MMP17: variants seen among roughly 807,000 people sequenced by gnomAD.
MMP17 encodes the protein matrix metallopeptidase 17, also known as matrix metalloproteinase-17.
A neutral mutation model predicts 49.1 loss-of-function variants in MMP17; 54 were observed. That is an observed-to-expected ratio of 1.10 (90% CI 0.88 to 1.38). The LOEUF (loss-of-function observed/expected upper bound fraction) is 1.38, where lower values mean the gene tolerates loss of function less well. MMP17 is among the 40% of genes most tolerant of loss of function. The pLI, the probability that MMP17 is intolerant of heterozygous loss-of-function variation, is 0.00. For missense variants in MMP17, 837 were observed against 853.7 expected (o/e 0.98, Z 0.24); for synonymous variants, 397 against 383.1 (o/e 1.04, Z -0.42).
At chr12:131,842,419 G>T (rs143604309) in intron 5 of MMP17, among the ~76,000 whole-genome samples, 3 of 152,282 alleles carry the variant, frequency 2.0e-5, no homozygotes, top group Admixed American at 6.5e-5. Context: ...CGTCCTTGCC[G>T]CTTCACATGC....
At chr12:131,837,120 G>A (rs1222120244) in intron 1 of MMP17, among the ~76,000 whole-genome samples, 1 of 152,220 alleles carries the variant, frequency 6.6e-6, no homozygotes, top group Non-Finnish European at 1.5e-5. Context: ...TCAGAGCAGA[G>A]CTGTCCCCTG....
chr12:131,847,693 G>A (rs988736538), intron 8 of MMP17, among the ~76,000 whole-genome samples: 3 of 152,266 alleles, frequency 2.0e-5, no homozygotes, highest in African/African-American at 4.8e-5. Flanking sequence ...GAATGCCACC[G>A]AGGGCAGGTG....
rs199918543 is a variant in MMP17 at position 131,840,526 on chromosome 12, C to T, written c.423-47C>T. ...GTTCAGGGAACCTCGGCCTGGGGCA[C>T]GTGGCCTGTTCTCCGTGACTCACTC... On this transcript the variant is annotated intron_variant, in intron 3 of 9. Transcript: ENST00000360564. The T allele has an allele frequency of 4.1e-5, 62 of 1,528,344 alleles. No homozygotes were observed. In the East Asian group the frequency reaches 6.6e-4, roughly 16 times the overall value. 94.7% of individuals were successfully genotyped at this position (1,528,344 alleles called of 1,614,324 possible). A position where few individuals can be genotyped will look rare whatever the true frequency, so the allele number is the denominator to read the frequency against.
intron 1 of MMP17, among the ~76,000 whole-genome samples, chr12:131,835,512 G>A (rs920524971): frequency 1.3e-5 from 2 of 152,222 alleles, no homozygotes; most frequent in African/African-American, 4.8e-5. Context: ...AGAGTGGGGG[G>A]TGCCCCAAAC....
chr12:131,839,504 G>C (rs943919344), intron 3 of MMP17, among the ~76,000 whole-genome samples: 1 of 151,632 alleles, frequency 6.6e-6, no homozygotes, highest in Non-Finnish European at 1.5e-5. Flanking sequence ...TTGACACAGA[G>C]TCTCTTTCAC....
Position 131,838,192 on chromosome 12 carries a change from C to G in MMP17, c.160-3C>G. 6.2e-7 allele frequency: 1 copy of G among 1,611,828 alleles called. No homozygotes were observed. On this transcript the variant is annotated splice_polypyrimidine_tract_variant and splice_region_variant and intron_variant, in intron 1 of 9. Coordinates refer to ENST00000360564, the MANE Select transcript of MMP17 (RefSeq NM_016155.7). ...ACCCCCTCACCCTGCTCTCTGCCCT[C>G]AGGAGTGGCTAAGCAGGTTCGGTTA...
chr12:131,836,093 C>G (rs1442677692), intron 1 of MMP17, among the ~76,000 whole-genome samples: 1 of 152,204 alleles, frequency 6.6e-6, no homozygotes, highest in African/African-American at 2.4e-5. Flanking sequence ...TCCTGTCGTG[C>G]CTATAGCTTT....
intron 1 of MMP17, among the ~76,000 whole-genome samples, chr12:131,835,044 G>A (rs1455248933): frequency 1.3e-5 from 2 of 152,160 alleles, no homozygotes; most frequent in Non-Finnish European, 2.9e-5. Flanking sequence ...AACCTGCAAG[G>A]CTTGTTCTGT....
chr12:131,831,305 G>A (rs1014093944), intron 1 of MMP17, among the ~76,000 whole-genome samples: 1 of 152,040 alleles, frequency 6.6e-6, no homozygotes, highest in African/African-American at 2.4e-5. Flanking sequence ...TCATCACCGC[G>A]CCCACGGCAC....
chr12:131,845,925 G>C (rs972902458), intron 8 of MMP17, among the ~76,000 whole-genome samples: 3 of 152,168 alleles, frequency 2.0e-5, no homozygotes, highest in Admixed American at 6.5e-5. Flanking sequence ...GAGGAGGCTC[G>C]GGACAGAAGC....
At chr12:131,849,353 G>A (rs1328934255) in intron 8 of MMP17, among the ~76,000 whole-genome samples, 4 of 152,126 alleles carry the variant, frequency 2.6e-5, no homozygotes, top group Non-Finnish European at 4.4e-5. Context: ...GTGTGGTGGT[G>A]GGCGCCTGTA....
intron 3 of MMP17, among the ~76,000 whole-genome samples, chr12:131,839,604 G>C (rs1370492302): frequency 6.6e-6 from 1 of 152,120 alleles, no homozygotes; most frequent in Non-Finnish European, 1.5e-5. Context: ...CTCCCAAGTA[G>C]GTGGGATTAC....
In MMP17 at chr12:131,851,323, C is replaced by A; in HGVS notation, c.*49C>A. The A allele has an allele frequency of 7.4e-7, 1 of 1,345,476 alleles. No individual in the cohort carries two copies. Among genetic ancestry groups the A allele is most frequent in the Non-Finnish European group, 9.6e-7 (1 of 1,042,672 alleles). 83.3% of individuals were successfully genotyped at this position (1,345,476 alleles called of 1,614,324 possible). On this transcript the variant is annotated 3_prime_UTR_variant, in exon 10 of 10. Coordinates refer to ENST00000360564, the MANE Select transcript of MMP17 (RefSeq NM_016155.7). ...GACAGAGGCGGTGGGACAGCCTGGCCACAGAGGGCAAGGACTGTGCCGGAG... is the reference window on the plus strand; with the variant it reads ...GACAGAGGCGGTGGGACAGCCTGGCAACAGAGGGCAAGGACTGTGCCGGAG...
intron 9 of MMP17, among the ~76,000 whole-genome samples, chr12:131,850,613 C>G (rs370801541): frequency 6.6e-6 from 1 of 152,292 alleles, no homozygotes; most frequent in East Asian, 1.9e-4. Flanking sequence ...TGGTCCATCC[C>G]CTGCCCCAGC....
At chr12:131,834,694 TG>T (rs779367617) in intron 1 of MMP17, among the ~76,000 whole-genome samples, 2 of 151,480 alleles carry the variant, frequency 1.3e-5, no homozygotes, top group Non-Finnish European at 2.9e-5. Context: ...CTGGCTGCAG[TG>T]GGGGGGTTTG....
At chr12:131,844,474 C>T (rs920940788) in intron 6 of MMP17, 4 of 277,260 alleles carry the variant, frequency 1.4e-5, no homozygotes, top group East Asian at 1.2e-4. Flanking sequence ...CATCTGGTGC[C>T]AGGGCTGGGC....
chr12:131,848,645 C>T (rs1291386244), intron 8 of MMP17, among the ~76,000 whole-genome samples: 1 of 151,974 alleles, frequency 6.6e-6, no homozygotes, highest in Non-Finnish European at 1.5e-5. Flanking sequence ...TCTGAGTGTT[C>T]CAGGGACCCC....
intron 1 of MMP17, among the ~76,000 whole-genome samples, chr12:131,834,111 G>A (rs1302414511): frequency 1.3e-5 from 2 of 152,240 alleles, no homozygotes; most frequent in East Asian, 3.8e-4. Context: ...TGCCCCCCAG[G>A]GCAGGGCTCT....
In MMP17 at chr12:131,850,121, C is replaced by A; in HGVS notation, c.1462+62C>A. 4.6e-6 allele frequency: 7 copies of A among 1,506,148 alleles called. No individual in the cohort carries two copies. In the South Asian group the frequency reaches 8.9e-5, roughly 19 times the overall value. 93.3% of individuals were successfully genotyped at this position (1,506,148 alleles called of 1,614,324 possible). The stretch of plus-strand genomic sequence containing the variant: ...GGTTTCCCCACCAGGAGAGGGGCAT[C>A]ACTACAGGGCAGCCAAGAGGTTCCC... On this transcript the variant is annotated intron_variant, in intron 9 of 9. Transcript: ENST00000360564.
Sources: allele counts gnomAD v4.1 joint callset (sites outside exome capture counted in the v4.1 genomes callset), GRCh38; gene constraint gnomAD v4.1.1; transcripts MANE v1.5; gene names NCBI Gene and HGNC (gene_info 2026-07-23, HGNC 2026-07-21).